Variants in FGF10 observed in about 807,000 individuals in gnomAD.
FGF10 encodes the protein FGF-10.
Under a neutral mutation model 19.8 loss-of-function variants are expected in FGF10, and 2 were observed. The ratio of observed to expected loss-of-function variants is 0.10; its 90% CI spans 0.04 to 0.32. The LOEUF is 0.32. FGF10 is among the 10% of genes least tolerant of loss of function. The pLI is 1.00. For missense variants in FGF10, 191 were observed against 246.3 expected (o/e 0.78, Z 1.50); for synonymous variants, 112 against 94.0 (o/e 1.19, Z -1.10).
intron 1 of FGF10, among the ~76,000 whole-genome samples, chr5:44,338,003 G>C (rs992094025): frequency 6.6e-6 from 1 of 151,896 alleles, no homozygotes; most frequent in Non-Finnish European, 1.5e-5. Context: ...CAATCTAAAT[G>C]TCCAAATAAA....
chr5:44,357,953 G>A (rs11951940), intron 1 of FGF10, among the ~76,000 whole-genome samples: 1,754 of 151,492 alleles, frequency 0.012, 35 homozygotes, highest in African/African-American at 0.04. Context: ...ATTATAAGAT[G>A]ATGCAGAGTT....
intron 1 of FGF10, among the ~76,000 whole-genome samples, chr5:44,385,730 T>C (rs1283010867): frequency 6.6e-6 from 1 of 152,188 alleles, no homozygotes; most frequent in Non-Finnish European, 1.5e-5. Flanking sequence ...CTGGCTACCC[T>C]GTAGGCATGG....
At chr5:44,312,281 C>G (rs917150713) in intron 1 of FGF10, among the ~76,000 whole-genome samples, 2 of 151,860 alleles carry the variant, frequency 1.3e-5, no homozygotes, top group Non-Finnish European at 2.9e-5. Context: ...TCTAAGGATA[C>G]TGTTGTTAGT....
chr5:44,387,262 C>A (rs17227536), intron 1 of FGF10, among the ~76,000 whole-genome samples: 79 of 152,266 alleles, frequency 5.2e-4, no homozygotes, highest in Non-Finnish European at 9.3e-4. Flanking sequence ...AGAAGAGACA[C>A]AATATCCACC....
chr5:44,349,447 T>TATATATATATATATATAAGA (rs1741175004), intron 1 of FGF10, among the ~76,000 whole-genome samples: 1 of 15,454 alleles, frequency 6.5e-5, no homozygotes, highest in African/African-American at 1.9e-4. Context: ...TATATATATA[T>TATATATATATATATATAAGA]ATATATATAT....
chr5:44,328,983 T>C (rs1275509308), intron 1 of FGF10, among the ~76,000 whole-genome samples: 1 of 152,002 alleles, frequency 6.6e-6, no homozygotes, highest in African/African-American at 2.4e-5. Context: ...GGTGACAGAG[T>C]GAGACTCTGT....
chr5:44,339,056 C>T (rs575703882), intron 1 of FGF10, among the ~76,000 whole-genome samples: 1 of 152,152 alleles, frequency 6.6e-6, no homozygotes, highest in East Asian at 1.9e-4. Flanking sequence ...TTTCCTTTTA[C>T]TATTTTTTCT....
intron 1 of FGF10, among the ~76,000 whole-genome samples, chr5:44,329,594 C>T (rs997616716): frequency 6.6e-6 from 1 of 152,036 alleles, no homozygotes; most frequent in Non-Finnish European, 1.5e-5. Flanking sequence ...TAAACTAGAA[C>T]GCATATTCAC....
chr5:44,340,482 A>C (rs1290662955), intron 1 of FGF10, among the ~76,000 whole-genome samples: 2 of 152,140 alleles, frequency 1.3e-5, no homozygotes, highest in Non-Finnish European at 2.9e-5. Flanking sequence ...CAATGACATT[A>C]TATGCAGCAT....
intron 1 of FGF10, among the ~76,000 whole-genome samples, chr5:44,358,195 G>A (rs995152589): frequency 2.5e-4 from 38 of 151,496 alleles, no homozygotes; most frequent in African/African-American, 8.2e-4. Flanking sequence ...ACACAAGGGA[G>A]AAGATCTTTA....
intron 1 of FGF10, among the ~76,000 whole-genome samples, chr5:44,316,533 A>G (rs556625993): frequency 6.6e-6 from 1 of 152,192 alleles, no homozygotes; most frequent in East Asian, 1.9e-4. Flanking sequence ...ATTTCCAAAC[A>G]GTGCTGATTC....
At position 44,322,316 on chromosome 5, in the gene FGF10, G is replaced by A. The variant is rs189415700; in HGVS notation, c.326-11786C>T. 6.2e-4 allele frequency among the ~76,000 whole-genome samples: 95 copies of A among 152,322 alleles called. 1 individual carries two copies. The highest frequency in any genetic ancestry group is 6.8e-3 in the Middle Eastern group (2 of 294). On this transcript the variant is annotated intron_variant, in intron 1 of 2. Coordinates refer to ENST00000264664, the MANE Select transcript of FGF10 (RefSeq NM_004465.2). ...GTCAGCAAAAGGGTCTGCATTAAAA[G>A]CCAAAGTAGAATTATGGGGGTGATG...
intron 1 of FGF10, among the ~76,000 whole-genome samples, chr5:44,329,386 A>T (rs1740682343): frequency 6.6e-6 from 1 of 152,106 alleles, no homozygotes. Flanking sequence ...CATGTTTGTC[A>T]GGCTGGTCTC....
intron 1 of FGF10, among the ~76,000 whole-genome samples, chr5:44,322,375 A>G (rs1740514035): frequency 6.6e-6 from 1 of 152,220 alleles, no homozygotes; most frequent in Non-Finnish European, 1.5e-5. Context: ...TGTTTTAAAC[A>G]TTAGCTGTGA....
chr5:44,376,446 TTATC>T (rs1246495035), intron 1 of FGF10, among the ~76,000 whole-genome samples: 1 of 123,854 alleles, frequency 8.1e-6, no homozygotes, highest in African/African-American at 2.8e-5. Context: ...CTTTTTCTGA[TTATC>T]TAAACCAAGT....
intron 1 of FGF10, among the ~76,000 whole-genome samples, chr5:44,379,753 G>A (rs575472833): frequency 5.8e-4 from 88 of 152,166 alleles, no homozygotes; most frequent in African/African-American, 2.0e-3. Context: ...CAGCCCTTTC[G>A]CAGTGCTACT....
intron 1 of FGF10, among the ~76,000 whole-genome samples, chr5:44,319,102 G>C (rs1170189454): frequency 3.9e-5 from 6 of 152,066 alleles, no homozygotes; most frequent in Non-Finnish European, 5.9e-5. Context: ...TCACCATGAG[G>C]CTCCTGCTAA....
At chr5:44,314,469 C>G (rs1740288296) in intron 1 of FGF10, among the ~76,000 whole-genome samples, 1 of 152,044 alleles carries the variant, frequency 6.6e-6, no homozygotes, top group Non-Finnish European at 1.5e-5. Context: ...GTCAACATTA[C>G]AAAAGCGATT....
At position 44,375,104 on chromosome 5, in the gene FGF10, C is replaced by T. The variant is rs752366844; in HGVS notation, c.325+13254G>A. 2.0e-5 allele frequency among the ~76,000 whole-genome samples: 3 copies of T among 152,086 alleles called. No individual in the cohort carries two copies. The East Asian group carries it at 5.8e-4, about 29-fold the overall frequency. On this transcript the variant is annotated intron_variant, in intron 1 of 2. Coordinates refer to ENST00000264664, the MANE Select transcript of FGF10 (RefSeq NM_004465.2). Reference sequence around the variant, plus strand: ...ACTTTGAGAGTCTAAGTAAGTTGACCAAGATCATATGGTTAAAAGCAGTTA... The same window carrying T: ...ACTTTGAGAGTCTAAGTAAGTTGACTAAGATCATATGGTTAAAAGCAGTTA...
Sources: gnomAD v4.1 joint callset for allele counts (sites outside exome capture counted in the v4.1 genomes callset) on GRCh38, gnomAD v4.1.1 for gene constraint, MANE v1.5 for transcripts, NCBI Gene and HGNC (gene_info 2026-07-23, HGNC 2026-07-21) for gene names.